XPR1: variants seen among roughly 807,000 people sequenced by gnomAD.
XPR1 encodes the protein xenotropic and polytropic retrovirus receptor 1.
Under a neutral mutation model 87.5 loss-of-function variants are expected in XPR1, and 28 were observed. The ratio of observed to expected loss-of-function variants is 0.32; its 90% CI spans 0.24 to 0.44. The LOEUF (loss-of-function observed/expected upper bound fraction) is 0.44. XPR1 is among the 20% of genes least tolerant of loss of function. The probability of loss-of-function intolerance (pLI) is 1.00; values close to 1 mark genes in which losing one functional copy is unlikely to be tolerated. For synonymous variants in XPR1, 300 were observed against 306.1 expected, an observed-to-expected ratio of 0.98 and a Z score of 0.21; for missense variants, 559 against 862.3, an observed-to-expected ratio of 0.65 and a Z score of 4.41.
chr1:180,692,615 A>C (rs1332706160), intron 2 of XPR1, among the ~76,000 whole-genome samples: 2 of 152,140 alleles, frequency 1.3e-5, no homozygotes, highest in Non-Finnish European at 2.9e-5. Flanking sequence ...TTAACTTCAA[A>C]AATGGACTCG....
At chr1:180,857,684 T>G (rs1449302522) in intron 11 of XPR1, among the ~76,000 whole-genome samples, 1 of 152,132 alleles carries the variant, frequency 6.6e-6, no homozygotes, top group African/African-American at 2.4e-5. Context: ...CTCTCTCCTC[T>G]TTTAGACTTG....
Position 180,808,939 on chromosome 1 carries a change from C to A in XPR1, c.681+2382C>A, listed in dbSNP as rs576951084. Among the ~76,000 whole-genome samples, 3 of 152,156 alleles carry A rather than the reference C, an allele frequency of 2.0e-5. No homozygotes were observed. The East Asian group carries it at 5.8e-4, about 29-fold the overall frequency. On this transcript the variant is annotated intron_variant, in intron 6 of 14. Transcript: ENST00000367590. ...AGCTATTACACTCCTAGGTATTTAC[C>A]CAAGACAAGTGCAAATATATGTTCA...
chr1:180,801,870 C>CA (rs996553026), intron 3 of XPR1, among the ~76,000 whole-genome samples: 32 of 151,142 alleles, frequency 2.1e-4, no homozygotes, highest in African/African-American at 7.0e-4. Context: ...AGCCTCTGCT[C>CA]ACTGCAACCT....
At chr1:180,711,583 C>G (rs578203422) in intron 2 of XPR1, among the ~76,000 whole-genome samples, 1 of 149,138 alleles carries the variant, frequency 6.7e-6, no homozygotes, top group African/African-American at 2.5e-5. Flanking sequence ...AGCTTGGGCT[C>G]GGCGTCAGAG....
intron 2 of XPR1, among the ~76,000 whole-genome samples, chr1:180,730,776 C>A (rs529049258): frequency 6.6e-6 from 1 of 152,152 alleles, no homozygotes; most frequent in Non-Finnish European, 1.5e-5. Context: ...GATCCTCCCC[C>A]CTCAGCCTCC....
intron 12 of XPR1, among the ~76,000 whole-genome samples, chr1:180,866,797 AT>A (rs539839824): frequency 0.031 from 4,184 of 136,310 alleles, 60 homozygotes; most frequent in Middle Eastern, 0.04. Flanking sequence ...ATATTAGTTT[AT>A]TTTTTTTTTT....
rs1378621484 is a variant in XPR1 at position 180,704,274 on chromosome 1, A to ATATATATATATATATATATG, written c.121+21866_121+21867insATATATATATATATATGTAT. Among the ~76,000 whole-genome samples the ATATATATATATATATATATG allele has an allele frequency of 5.6e-5, 8 of 141,682 alleles. No individual in the cohort carries two copies. In the South Asian group the frequency reaches 1.8e-3, roughly 33 times the overall value. 92.9% of individuals were successfully genotyped at this position (141,682 alleles called of 152,430 possible). On this transcript the variant is annotated intron_variant, in intron 2 of 14. Coordinates refer to ENST00000367590, the MANE Select transcript of XPR1 (RefSeq NM_004736.4). ...TATATATATATATATATATATATAT[A>ATATATATATATATATATATG]TATTATCAGATTATCTGTTTTGTTA... is the stretch of plus-strand genomic sequence containing the variant.
At chr1:180,764,385 T>A (rs1648185847) in intron 2 of XPR1, among the ~76,000 whole-genome samples, 1 of 152,088 alleles carries the variant, frequency 6.6e-6, no homozygotes, top group African/African-American at 2.4e-5. Context: ...CTGAAACACT[T>A]CTAGTCCCAA....
At chr1:180,810,802 T>C (rs980038060) in intron 6 of XPR1, among the ~76,000 whole-genome samples, 3 of 150,398 alleles carry the variant, frequency 2.0e-5, no homozygotes, top group Non-Finnish European at 3.0e-5. Context: ...TATATATGTA[T>C]ATATGTGTAT....
At chr1:180,811,635 G>GTT in intron 7 of XPR1, 147 bp downstream of exon 7, 1 of 573,616 alleles carries the variant, frequency 1.7e-6, no homozygotes, top group East Asian at 3.2e-5. Flanking sequence ...TATAAATGTG[G>GTT]TTTTTTTTAG....
intron 11 of XPR1, among the ~76,000 whole-genome samples, chr1:180,839,184 G>A (rs747367340): frequency 2.0e-5 from 3 of 152,100 alleles, no homozygotes; most frequent in Non-Finnish European, 4.4e-5. Context: ...TCAAAAAATT[G>A]TATAGTGATC....
chr1:180,633,303 TAGAG>T (rs1654656744), intron 1 of XPR1, among the ~76,000 whole-genome samples: 1 of 152,230 alleles, frequency 6.6e-6, no homozygotes, highest in South Asian at 2.1e-4. Flanking sequence ...AGCTCCTGGA[TAGAG>T]AAAGACAGAC....
intron 11 of XPR1, among the ~76,000 whole-genome samples, chr1:180,847,549 C>G (rs1382151692): frequency 6.6e-6 from 1 of 152,002 alleles, no homozygotes; most frequent in African/African-American, 2.4e-5. Flanking sequence ...AGAATAATTC[C>G]CACCTCATAA....
intron 1 of XPR1, among the ~76,000 whole-genome samples, chr1:180,674,404 G>A (rs1004249856): frequency 2.0e-5 from 3 of 151,560 alleles, no homozygotes; most frequent in Admixed American, 6.6e-5. Context: ...GATTACAGGC[G>A]CCTGCCCCCA....
intron 11 of XPR1, among the ~76,000 whole-genome samples, chr1:180,839,941 C>T (rs972731237): frequency 3.3e-5 from 5 of 152,118 alleles, no homozygotes; most frequent in African/African-American, 9.7e-5. Flanking sequence ...GTGTTGCCCT[C>T]GGCCGGGCGC....
chr1:180,696,877 A>G (rs192627926), intron 2 of XPR1, among the ~76,000 whole-genome samples: 200 of 151,990 alleles, frequency 1.3e-3, no homozygotes, highest in African/African-American at 4.6e-3. Context: ...GTATTGATGG[A>G]TTTTGTTTGT....
At chr1:180,813,375 C>G (rs1208497524) in intron 7 of XPR1, among the ~76,000 whole-genome samples, 1 of 152,194 alleles carries the variant, frequency 6.6e-6, no homozygotes, top group Non-Finnish European at 1.5e-5. Context: ...TAAAGCGTTC[C>G]CTGATCACCC....
intron 2 of XPR1, among the ~76,000 whole-genome samples, chr1:180,735,885 C>T (rs969287404): frequency 6.6e-6 from 1 of 152,136 alleles, no homozygotes; most frequent in South Asian, 2.1e-4. Flanking sequence ...TGGATGGTCA[C>T]ATATCCTTCT....
At chr1:180,646,683 G>GT (rs1655131006) in intron 1 of XPR1, among the ~76,000 whole-genome samples, 1 of 152,036 alleles carries the variant, frequency 6.6e-6, no homozygotes, top group African/African-American at 2.4e-5. Context: ...GCTCACATTT[G>GT]TTTTTTACTC....
Sources: allele counts gnomAD v4.1 joint callset (sites outside exome capture counted in the v4.1 genomes callset), GRCh38; gene constraint gnomAD v4.1.1; transcripts MANE v1.5; gene names NCBI Gene and HGNC (gene_info 2026-07-23, HGNC 2026-07-21).